The following KANK1 variants were observed in gnomAD, a reference collection of about 807,000 sequenced individuals.
The protein encoded by KANK1 is KN motif and ankyrin repeat domains 1, also known as KN motif and ankyrin repeat domain-containing protein 1.
In KANK1, 109 loss-of-function variants were observed where a neutral mutation model predicts 106.2. That is an observed-to-expected ratio of 1.03 (90% CI 0.88 to 1.20). The LOEUF (loss-of-function observed/expected upper bound fraction) is 1.20. Among genes scored for constraint, KANK1 ranks in the 50% most tolerant of loss-of-function variants. The pLI, the probability that KANK1 is intolerant of heterozygous loss-of-function variation, is 0.00. For synonymous variants in KANK1, 873 were observed against 652.2 expected (o/e 1.34, Z -5.16); for missense variants, 2,399 against 1,710.7 (o/e 1.40, Z -7.10).
chr9:706,847 CAGG>C (rs986205290), intron 2 of KANK1: 18 of 985,304 alleles, frequency 1.8e-5, no homozygotes, highest in Non-Finnish European at 2.0e-5. Flanking sequence ...GAGGGCTGGG[CAGG>C]AGGACACAGA....
intron 1 of KANK1, among the ~76,000 whole-genome samples, chr9:657,995 C>T (rs1570478): frequency 0.56 from 85,056 of 151,654 alleles, 24,994 homozygotes; most frequent in East Asian, 0.88. Flanking sequence ...CTGTCTCAGC[C>T]TCACAAGTAC....
At chr9:520,392 A>G (rs1482928094) in intron 1 of KANK1, among the ~76,000 whole-genome samples, 1 of 151,532 alleles carries the variant, frequency 6.6e-6, no homozygotes, top group Non-Finnish European at 1.5e-5. Context: ...ATAGTTATTA[A>G]CACTTCTGCT....
chr9:626,604 A>T (rs1834405347), intron 1 of KANK1, among the ~76,000 whole-genome samples: 2 of 152,260 alleles, frequency 1.3e-5, no homozygotes, highest in South Asian at 4.1e-4. Flanking sequence ...TAGTGAATAA[A>T]TAAATACTGC....
At chr9:690,145 A>AC (rs1294839631) in intron 2 of KANK1, among the ~76,000 whole-genome samples, 1 of 148,912 alleles carries the variant, frequency 6.7e-6, no homozygotes, top group Admixed American at 6.7e-5. Context: ...AAAAAAAAAA[A>AC]AAAAAAAAAA....
chr9:742,213 G>GA lies in KANK1; in HGVS notation c.3706dup (p.Thr1236AsnfsTer24). 1.2e-6 allele frequency: 2 copies of GA among 1,614,110 alleles called. No individual in the cohort carries two copies. Among genetic ancestry groups the GA allele is most frequent in the Non-Finnish European group, 1.7e-6 (2 of 1,179,984 alleles). The stretch of plus-strand genomic sequence containing the variant: ...GTCATCTCTTCCCATAGGCGGGACA[G>GA]ACGGCCCTCATGCTGGCGGTCAGTC... On this transcript the variant is annotated frameshift_variant, in exon 10 of 12. Coordinates refer to ENST00000382297, the MANE Select transcript of KANK1 (RefSeq NM_015158.5). LOFTEE classifies it high-confidence loss of function.
intron 10 of KANK1, among the ~76,000 whole-genome samples, chr9:743,665 G>C (rs1278945837): frequency 3.3e-5 from 5 of 152,024 alleles, no homozygotes; most frequent in Non-Finnish European, 7.4e-5. Context: ...AGGAGTTCAA[G>C]ACCAGCCTGG....
intron 3 of KANK1, among the ~76,000 whole-genome samples, chr9:719,921 T>G (rs1364228517): frequency 6.6e-6 from 1 of 152,226 alleles, no homozygotes; most frequent in African/African-American, 2.4e-5. Flanking sequence ...ACAGTTTGCT[T>G]TTAACATTCC....
chr9:504,675 C>T (rs1270496032), upstream of KANK1: 1 of 151,044 alleles, frequency 6.6e-6, no homozygotes, highest in Non-Finnish European at 1.5e-5. Context: ...GACTCCGCCC[C>T]CTGCGCCCCG....
At chr9:740,183 CAAG>C (rs1363663268) in intron 8 of KANK1, among the ~76,000 whole-genome samples, 5 of 152,126 alleles carry the variant, frequency 3.3e-5, no homozygotes. Flanking sequence ...TTAAGAATTA[CAAG>C]AATAGAAAAG....
chr9:576,639 A>G (rs1316240204), intron 1 of KANK1, among the ~76,000 whole-genome samples: 2 of 152,074 alleles, frequency 1.3e-5, no homozygotes, highest in South Asian at 2.1e-4. Flanking sequence ...GGGACTGTAC[A>G]TTTCCTCATG....
chr9:588,961 T>C (rs1824182772), intron 1 of KANK1, among the ~76,000 whole-genome samples: 1 of 152,220 alleles, frequency 6.6e-6, no homozygotes, highest in South Asian at 2.1e-4. Context: ...TTTTGAATTG[T>C]AATTATTACC....
chr9:718,231 G>A (rs750972243), intron 3 of KANK1, among the ~76,000 whole-genome samples: 1 of 150,240 alleles, frequency 6.7e-6, no homozygotes, highest in African/African-American at 2.4e-5. Flanking sequence ...TATGATGTAG[G>A]TAGTGGAAGG....
intron 1 of KANK1, among the ~76,000 whole-genome samples, chr9:612,735 T>C (rs1030542701): frequency 1.3e-5 from 2 of 152,114 alleles, no homozygotes; most frequent in African/African-American, 2.4e-5. Context: ...GCGGCCATAC[T>C]GGAATGGAAT....
At chr9:672,277 T>C (rs539846738) in intron 1 of KANK1, among the ~76,000 whole-genome samples, 2 of 152,326 alleles carry the variant, frequency 1.3e-5, no homozygotes, top group Non-Finnish European at 2.9e-5. Context: ...TGTAGGGTTG[T>C]TGTGAAGTTT....
intron 1 of KANK1, among the ~76,000 whole-genome samples, chr9:505,788 A>G (rs1328320901): frequency 6.6e-6 from 1 of 152,208 alleles, no homozygotes; most frequent in Non-Finnish European, 1.5e-5. Context: ...CTAATAAGGA[A>G]GCTTAATCAT....
intron 1 of KANK1, among the ~76,000 whole-genome samples, chr9:623,801 T>C (rs976884606): frequency 5.9e-5 from 9 of 151,998 alleles, no homozygotes; most frequent in Non-Finnish European, 2.9e-5. Context: ...AGGGTGAAAA[T>C]TGGTACAGCC....
intron 1 of KANK1, among the ~76,000 whole-genome samples, chr9:608,817 T>C (rs958970706): frequency 6.6e-6 from 1 of 152,146 alleles, no homozygotes; most frequent in Non-Finnish European, 1.5e-5. Context: ...GTCCAGAGTG[T>C]TTCCAAGGGA....
intron 1 of KANK1, among the ~76,000 whole-genome samples, chr9:543,130 A>G (rs952411786): frequency 3.3e-5 from 5 of 152,200 alleles, no homozygotes; most frequent in Non-Finnish European, 4.4e-5. Context: ...AATATATACA[A>G]TTTTTATTTT....
intron 1 of KANK1, among the ~76,000 whole-genome samples, chr9:571,520 T>G (rs1168381375): frequency 6.6e-6 from 1 of 152,226 alleles, no homozygotes; most frequent in Non-Finnish European, 1.5e-5. Flanking sequence ...AGATTACTTT[T>G]TTCTTTGTAG....
Sources: allele counts gnomAD v4.1 joint callset (sites outside exome capture counted in the v4.1 genomes callset), GRCh38; gene constraint gnomAD v4.1.1; transcripts MANE v1.5; gene names NCBI Gene and HGNC (gene_info 2026-07-23, HGNC 2026-07-21).